The following MALRD1 variants were observed in gnomAD, a reference collection of about 807,000 sequenced individuals.
The protein encoded by MALRD1 is MAM and LDL receptor class A domain containing 1, also known as MAM and LDL-receptor class A domain-containing protein 1.
Under a neutral mutation model 242.1 loss-of-function variants are expected in MALRD1, and 247 were observed. That is an observed-to-expected ratio of 1.02 (90% CI 0.92 to 1.13). The LOEUF (loss-of-function observed/expected upper bound fraction) is 1.13. MALRD1 is among the 50% of genes most tolerant of loss of function. The pLI, the probability that MALRD1 is intolerant of heterozygous loss-of-function variation, is 0.00. For missense variants in MALRD1, 2,989 were observed against 2,533.1 expected (o/e 1.18, Z -3.86); for synonymous variants, 995 against 866.6 (o/e 1.15, Z -2.60).
intron 29 of MALRD1, among the ~76,000 whole-genome samples, chr10:19,455,992 A>C (rs1274587746): frequency 6.6e-6 from 1 of 152,184 alleles, no homozygotes; most frequent in Non-Finnish European, 1.5e-5. Flanking sequence ...GACACTGGTA[A>C]ACCCAGGACC....
intron 2 of MALRD1, among the ~76,000 whole-genome samples, chr10:19,080,591 T>C (rs1028027653): frequency 6.6e-6 from 1 of 151,992 alleles, no homozygotes; most frequent in Admixed American, 6.6e-5. Flanking sequence ...CTGGACCCCT[T>C]CCTTACACCT....
chr10:19,608,396 G>T (rs182037909), intron 35 of MALRD1, among the ~76,000 whole-genome samples: 2,759 of 152,050 alleles, frequency 0.018, 30 homozygotes, highest in Non-Finnish European at 0.03. Context: ...CTTGGAACAT[G>T]TATACAGCAT....
intron 10 of MALRD1, among the ~76,000 whole-genome samples, chr10:19,144,819 T>A (rs1240513584): frequency 7.3e-6 from 1 of 137,480 alleles, no homozygotes; most frequent in Non-Finnish European, 1.7e-5. Flanking sequence ...TGGTATTTAC[T>A]ATGTAGAGTG....
intron 32 of MALRD1, among the ~76,000 whole-genome samples, chr10:19,553,484 G>C (rs1835583564): frequency 6.6e-6 from 1 of 151,740 alleles, no homozygotes; most frequent in African/African-American, 2.4e-5. Context: ...AGCTTGTACT[G>C]TGTTTTAAAA....
chr10:19,617,480 T>C (rs1418734456), intron 36 of MALRD1, among the ~76,000 whole-genome samples: 1 of 152,092 alleles, frequency 6.6e-6, no homozygotes, highest in East Asian at 1.9e-4. Context: ...AATGTAGGTA[T>C]GAAAAAATAA....
chr10:19,186,108 T>C (rs923403110), intron 14 of MALRD1, among the ~76,000 whole-genome samples: 1 of 152,230 alleles, frequency 6.6e-6, no homozygotes, highest in Admixed American at 6.5e-5. Context: ...CTACACTTGC[T>C]AATTATTATC....
intron 23 of MALRD1, among the ~76,000 whole-genome samples, chr10:19,330,435 T>C (rs1049672429): frequency 1.3e-5 from 2 of 152,136 alleles, no homozygotes; most frequent in Non-Finnish European, 2.9e-5. Flanking sequence ...ACAGTAAATA[T>C]TTTGTACAAA....
Position 19,734,427 on chromosome 10 carries a change from C to G in MALRD1, c.*190C>G. On this transcript the variant is annotated 3_prime_UTR_variant, in exon 40 of 40. Coordinates refer to ENST00000454679, the MANE Select transcript of MALRD1 (RefSeq NM_001142308.3). ...TGTTTATATGGAATCAGAATCAGTA[C>G]CTTATCTTCACTGAACATCTGAATA... 2.4e-6 allele frequency: 1 copy of G among 408,640 alleles called. No individual in the cohort carries two copies. 25.3% of individuals were successfully genotyped at this position (408,640 alleles called of 1,614,324 possible).
At chr10:19,163,219 C>T (rs1022925017) in intron 12 of MALRD1, among the ~76,000 whole-genome samples, 9 of 145,760 alleles carry the variant, frequency 6.2e-5, no homozygotes, top group African/African-American at 1.0e-4. Context: ...GTCATTGCAG[C>T]GCTATTTACA....
intron 36 of MALRD1, among the ~76,000 whole-genome samples, chr10:19,625,407 C>G (rs958611272): frequency 1.3e-5 from 2 of 152,028 alleles, no homozygotes; most frequent in Admixed American, 1.3e-4. Context: ...CCTTGACTAA[C>G]TGAAAAACTC....
intron 18 of MALRD1, among the ~76,000 whole-genome samples, chr10:19,227,660 T>C (rs1261347074): frequency 6.6e-6 from 1 of 151,962 alleles, no homozygotes; most frequent in African/African-American, 2.4e-5. Flanking sequence ...AATCAAAAAA[T>C]GAAAAGGCAA....
intron 23 of MALRD1, 99 bp from the exon 24 acceptor site, chr10:19,331,270 A>T (rs2130921014): frequency 9.6e-7 from 1 of 1,041,780 alleles, no homozygotes; most frequent in East Asian, 2.6e-5. Flanking sequence ...AACAAACAAC[A>T]AAAAACAGAT....
intron 2 of MALRD1, among the ~76,000 whole-genome samples, chr10:19,087,123 G>A (rs1164758464): frequency 2.0e-5 from 3 of 152,008 alleles, no homozygotes. Context: ...TCTTTGAAAT[G>A]CATAAGGTTA....
chr10:19,135,324 T>G, intron 9 of MALRD1, among the ~76,000 whole-genome samples: 1 of 152,176 alleles, frequency 6.6e-6, no homozygotes, highest in Admixed American at 6.5e-5. Flanking sequence ...CCAGCTAATT[T>G]TTTGTATTTT....
At chr10:19,050,899 A>T (rs1373920709) in intron 1 of MALRD1, among the ~76,000 whole-genome samples, 1 of 152,218 alleles carries the variant, frequency 6.6e-6, no homozygotes, top group Non-Finnish European at 1.5e-5. Flanking sequence ...AACGTGAAGA[A>T]ATGGAAAGCT....
At chr10:19,214,990 A>G (rs796123943) in intron 18 of MALRD1, among the ~76,000 whole-genome samples, 38 of 152,318 alleles carry the variant, frequency 2.5e-4, no homozygotes, top group African/African-American at 8.9e-4. Context: ...TTGACCTTCC[A>G]CAAAGTCAAC....
In MALRD1 at chr10:19,718,099, G is replaced by A. The variant is rs558763510; in HGVS notation, c.6315-12607G>A. 4.3e-5 allele frequency among the ~76,000 whole-genome samples: 4 copies of A among 93,920 alleles called. No homozygotes were observed. In the Admixed American group the frequency reaches 4.3e-4, roughly 10 times the overall value. The allele number at this position is 93,920 out of a possible 152,430, so 61.6% of individuals were successfully genotyped here. A position where few individuals can be genotyped will look rare whatever the true frequency, so the allele number is the denominator to read the frequency against. On this transcript the variant is annotated intron_variant, in intron 38 of 39. Transcript: ENST00000454679. The stretch of plus-strand genomic sequence containing the variant: ...AGAGGAATAAGTAGAAGAAGAAGAA[G>A]AGGAAGAGGAAGAAGAAGAAGAAGA...
rs540028788 is a variant in MALRD1, at chr10:19,116,481, TAC to T, written c.695-7009_695-7008del. Among the ~76,000 whole-genome samples the T allele has an allele frequency of 7.9e-5, 12 of 152,326 alleles. No homozygotes were observed. In the South Asian group the frequency reaches 2.5e-3, roughly 32 times the overall value. On this transcript the variant is annotated intron_variant, in intron 5 of 39. Transcript: ENST00000454679. ...TAACTGTTCCTTCCTTGAAATCCACTACAAATAAGGATAACTGACACATTGTC... is the reference window on the plus strand; with the variant it reads ...TAACTGTTCCTTCCTTGAAATCCACTAAATAAGGATAACTGACACATTGTC...
intron 29 of MALRD1, among the ~76,000 whole-genome samples, chr10:19,470,703 T>C (rs1836449211): frequency 6.6e-6 from 1 of 152,052 alleles, no homozygotes; most frequent in East Asian, 1.9e-4. Flanking sequence ...TGTTTTCATA[T>C]ACCTGTTGTC....
Sources: allele counts gnomAD v4.1 joint callset (sites outside exome capture counted in the v4.1 genomes callset), GRCh38; gene constraint gnomAD v4.1.1; transcripts MANE v1.5; gene names NCBI Gene and HGNC (gene_info 2026-07-23, HGNC 2026-07-21).